Variants in NALF2 observed in about 807,000 individuals in gnomAD.
The protein encoded by NALF2 is bB57D9.1 (TED protein).
NALF2 carries 1 observed loss-of-function variant against 24.8 expected under a neutral mutation model. The ratio of observed to expected loss-of-function variants is 0.04; its 90% confidence interval spans 0.01 to 0.19. The LOEUF is 0.19. NALF2 is among the 10% of genes least tolerant of loss of function. The pLI is 1.00. For missense variants in NALF2, 458 were observed against 409.6 expected (o/e 1.12, Z -1.02); for synonymous variants, 254 against 189.8 (o/e 1.34, Z -2.78).
At position 69,517,204 on chromosome X, in the gene NALF2, A is replaced by T. The variant is rs1359443466; in HGVS notation, c.861+11061A>T. On this transcript the variant is annotated intron_variant, in intron 1 of 2. Coordinates refer to ENST00000252338, the MANE Select transcript of NALF2 (RefSeq NM_015686.3). Reference sequence around the variant, plus strand: ...AACTTGAACATATTCTTTAATCTCTATTGGCATCTCATTTTCCTCACCTTT... The same window carrying T: ...AACTTGAACATATTCTTTAATCTCTTTTGGCATCTCATTTTCCTCACCTTT... Among the ~76,000 whole-genome samples, 5 of 111,998 alleles carry T rather than the reference A, an allele frequency of 4.5e-5. No individual in the cohort carries two copies. In the South Asian group the frequency reaches 1.9e-3, roughly 42 times the overall value.
In NALF2 at chrX:69,505,483, C is replaced by G; in HGVS notation, c.201C>G (p.Ala67=). The G allele has an allele frequency of 9.1e-7, 1 of 1,095,375 alleles. No homozygotes were observed. The highest frequency in any genetic ancestry group is 1.2e-6 in the Non-Finnish European group (1 of 842,882). The allele number at this position is 1,095,375 out of a possible 1,213,427, so 90.3% of individuals were successfully genotyped here. Residue 67 remains alanine (A), a synonymous_variant, in exon 1 of 3, where the codon GCC becomes GCG. Transcript: ENST00000252338. The part of the protein sequence containing the change: ...LADHLWLCAG[A]RPRARELSSA... ...ACCATCTGTGGCTGTGCGCGGGGGC[C>G]CGGCCCCGGGCCAGGGAGCTGAGCA...
In NALF2 at chrX:69,505,583, C is replaced by A; in HGVS notation, c.301C>A (p.Pro101Thr). 1 of 1,017,325 alleles carries A rather than the reference C, an allele frequency of 9.8e-7. No homozygotes were observed. Among genetic ancestry groups the A allele is most frequent in the Non-Finnish European group, 1.2e-6 (1 of 809,640 alleles). The allele number at this position is 1,017,325 out of a possible 1,213,427, so 83.8% of individuals were successfully genotyped here. ...VPPRAVLPLP[P>T]PPPGEPSAPP... ...TCCTCGCGCGGTGCTGCCGCTGCCG[C>A]CGCCGCCGCCCGGCGAGCCCAGCGC... The change falls in exon 1 of 3, where the codon CCG becomes ACG. Residue 101 changes from proline to threonine, a missense_variant. Coordinates refer to ENST00000252338, the MANE Select transcript of NALF2 (RefSeq NM_015686.3).
At chrX:69,514,364 AG>A (rs1472925592) in intron 1 of NALF2, among the ~76,000 whole-genome samples, 1 of 111,640 alleles carries the variant, frequency 9.0e-6, no homozygotes, top group Admixed American at 9.5e-5. Flanking sequence ...TTAGTGTTCA[AG>A]GTTCATCCAT....
intron 1 of NALF2, among the ~76,000 whole-genome samples, chrX:69,507,352 A>C (rs1283967438): frequency 9.0e-6 from 1 of 111,456 alleles, no homozygotes; most frequent in African/African-American, 3.3e-5. Context: ...GGAAAAGGGT[A>C]GTTCCTCGCT....
intron 1 of NALF2, among the ~76,000 whole-genome samples, chrX:69,510,278 A>G (rs1466919474): frequency 8.9e-6 from 1 of 111,953 alleles, no homozygotes; most frequent in East Asian, 2.8e-4. Flanking sequence ...TAACGCCCAC[A>G]CAAAGAGAGG....
chrX:69,511,182 C>T (rs1246066089), intron 1 of NALF2, among the ~76,000 whole-genome samples: 1 of 108,990 alleles, frequency 9.2e-6, no homozygotes, highest in African/African-American at 3.4e-5. Flanking sequence ...CCTCACTCCC[C>T]ACCTCTTTCC....
chrX:69,506,642 T>G (rs1156304111), intron 1 of NALF2, among the ~76,000 whole-genome samples: 1 of 112,945 alleles, frequency 8.9e-6, no homozygotes, highest in East Asian at 2.8e-4. Context: ...CTCCTGGTGG[T>G]GGGGCACACC....
rs1007959186 is a variant in NALF2, at chrX:69,530,041, G to A, written c.*85G>A. On this transcript the variant is annotated 3_prime_UTR_variant, in exon 3 of 3. Coordinates refer to ENST00000252338, the MANE Select transcript of NALF2 (RefSeq NM_015686.3). ...GGGGGGGAGGGGGCTCCTCCCATGG[G>A]AGGTGTAGGATAAGGTGGGGGCGGG... 3 of 683,298 alleles carry A rather than the reference G, an allele frequency of 4.4e-6. No individual in the cohort carries two copies. Among genetic ancestry groups the A allele is most frequent in the Non-Finnish European group, 6.4e-6 (3 of 471,481 alleles). 56.3% of individuals were successfully genotyped at this position (683,298 alleles called of 1,213,427 possible). A position where few individuals can be genotyped will look rare whatever the true frequency, so the allele number is the denominator to read the frequency against.
chrX:69,522,921 G>A (rs184317771), intron 1 of NALF2, among the ~76,000 whole-genome samples: 3 of 112,588 alleles, frequency 2.7e-5, no homozygotes, highest in East Asian at 5.6e-4. Flanking sequence ...CCTCTGACTT[G>A]GCTAAGCCAA....
chrX:69,506,598 C>T (rs1048277292), intron 1 of NALF2, among the ~76,000 whole-genome samples: 1 of 113,205 alleles, frequency 8.8e-6, no homozygotes, highest in Non-Finnish European at 1.9e-5. Context: ...AACCCTCACC[C>T]TTTGGCTTCT....
intron 1 of NALF2, among the ~76,000 whole-genome samples, chrX:69,514,886 T>G (rs1569258646): frequency 8.9e-6 from 1 of 112,304 alleles, no homozygotes; most frequent in Non-Finnish European, 1.9e-5. Context: ...CTTGTTACAC[T>G]ATCTCTTCAT....
intron 1 of NALF2, among the ~76,000 whole-genome samples, chrX:69,516,248 C>T (rs1930659573): frequency 9.0e-6 from 1 of 111,550 alleles, no homozygotes; most frequent in African/African-American, 3.3e-5. Flanking sequence ...CCCTGTCTTC[C>T]CACTGTATTT....
chrX:69,519,308 A>G, intron 1 of NALF2, among the ~76,000 whole-genome samples: 1 of 112,016 alleles, frequency 8.9e-6, no homozygotes, highest in East Asian at 2.8e-4. Flanking sequence ...GTACTTGTCA[A>G]GTACCTCTGT....
At chrX:69,514,979 C>T (rs1479535941) in intron 1 of NALF2, among the ~76,000 whole-genome samples, 2 of 111,860 alleles carry the variant, frequency 1.8e-5, no homozygotes, top group Admixed American at 9.5e-5. Flanking sequence ...TTTAACTAGT[C>T]CCCTATTGAC....
At chrX:69,527,297 G>A (rs1209511228) in intron 1 of NALF2, among the ~76,000 whole-genome samples, 5 of 111,842 alleles carry the variant, frequency 4.5e-5, no homozygotes, top group African/African-American at 1.3e-4. Flanking sequence ...GTGAGATACC[G>A]AAGTCCCAAG....
At chrX:69,527,983 T>G (rs957605340) in intron 1 of NALF2, among the ~76,000 whole-genome samples, 32 of 105,160 alleles carry the variant, frequency 3.0e-4, no homozygotes, top group African/African-American at 9.0e-4. Context: ...TTTTTTTTGG[T>G]TTTTTTTTGT....
At chrX:69,528,902 C>T in intron 1 of NALF2, 91 bp from the exon 2 acceptor site, 1 of 1,011,607 alleles carries the variant, frequency 9.9e-7, no homozygotes, top group Non-Finnish European at 1.3e-6. Context: ...GTGAGGCCCC[C>T]TTGAGAGACC....
At chrX:69,521,928 T>C (rs184918679) in intron 1 of NALF2, among the ~76,000 whole-genome samples, 11 of 111,927 alleles carry the variant, frequency 9.8e-5, no homozygotes, top group Admixed American at 5.7e-4. Flanking sequence ...CAAGAAATGT[T>C]TGCATGGACA....
In NALF2 at chrX:69,505,206, G is replaced by T; in HGVS notation, c.-77G>T. On this transcript the variant is annotated 5_prime_UTR_variant, in exon 1 of 3. Coordinates refer to ENST00000252338, the MANE Select transcript of NALF2 (RefSeq NM_015686.3). ...GGACGGCGCCGAGGAGCGCAGAGCG[G>T]CGCGCAGCCCGCCCGCCCCAGACGG... 2.9e-6 allele frequency: 3 copies of T among 1,020,317 alleles called. No homozygotes were observed. Among genetic ancestry groups the T allele is most frequent in the Non-Finnish European group, 3.9e-6 (3 of 775,425 alleles). The allele number at this position is 1,020,317 out of a possible 1,213,427, so 84.1% of individuals were successfully genotyped here.
Sources: gnomAD v4.1 joint callset for allele counts (sites outside exome capture counted in the v4.1 genomes callset) on GRCh38, gnomAD v4.1.1 for gene constraint, MANE v1.5 for transcripts, NCBI Gene and HGNC (gene_info 2026-07-23, HGNC 2026-07-21) for gene names.